Variants in PAH observed in about 807,000 individuals in gnomAD.
PAH encodes phenylalanine-4-hydroxylase.
Under a neutral mutation model 62.0 loss-of-function variants are expected in PAH, and 64 were observed. The observed-to-expected ratio is 1.03, with a 90% CI of 0.84 to 1.27. The LOEUF (loss-of-function observed/expected upper bound fraction) is 1.27. PAH is among the 50% of genes most tolerant of loss of function. The pLI is 0.00. For synonymous variants in PAH, 195 were observed against 196.2 expected, an observed-to-expected ratio of 0.99 and a Z score of 0.05; for missense variants, 579 against 542.8, an observed-to-expected ratio of 1.07 and a Z score of -0.66.
chr12:102,872,468 T>G (rs1876386363), intron 4 of PAH, among the ~76,000 whole-genome samples: 1 of 152,238 alleles, frequency 6.6e-6, no homozygotes, highest in Admixed American at 6.5e-5. Context: ...TTAGTAAGAA[T>G]GCAACAAGTC....
chr12:102,955,754 C>A (rs187630853), upstream of PAH, among the ~76,000 whole-genome samples: 5 of 152,256 alleles, frequency 3.3e-5, no homozygotes, highest in East Asian at 9.7e-4. Context: ...ACCTCTTAGG[C>A]CCTTTCCTTG....
At chr12:102,944,426 C>G (rs974171163) in intron 1 of PAH, among the ~76,000 whole-genome samples, 6 of 152,104 alleles carry the variant, frequency 3.9e-5, no homozygotes, top group African/African-American at 1.4e-4. Context: ...TTTTCTAGAT[C>G]TTGTAGGCAT....
chr12:102,913,173 C>T (rs957661690), intron 1 of PAH, among the ~76,000 whole-genome samples: 1 of 152,172 alleles, frequency 6.6e-6, no homozygotes, highest in Non-Finnish European at 1.5e-5. Context: ...AAATTCAATA[C>T]CTTTTATTGA....
intron 2 of PAH, among the ~76,000 whole-genome samples, chr12:102,898,029 T>C (rs61942043): frequency 0.17 from 26,240 of 152,136 alleles, 2,626 homozygotes; most frequent in Admixed American, 0.33. Context: ...CAGCAACACT[T>C]GGCAAAGTCT....
intron 2 of PAH, among the ~76,000 whole-genome samples, chr12:102,899,112 C>T (rs1354984871): frequency 6.6e-6 from 1 of 152,192 alleles, no homozygotes; most frequent in African/African-American, 2.4e-5. Flanking sequence ...CAATGTCATC[C>T]TTCTTGGCTC....
chr12:102,909,563 C>T (rs565134445), intron 2 of PAH, among the ~76,000 whole-genome samples: 1 of 152,278 alleles, frequency 6.6e-6, no homozygotes, highest in Non-Finnish European at 1.5e-5. Context: ...ACTATAAAAA[C>T]CCACTACTTA....
chr12:102,916,246 T>C (rs943782664), intron 1 of PAH, among the ~76,000 whole-genome samples: 2 of 152,006 alleles, frequency 1.3e-5, no homozygotes, highest in African/African-American at 4.8e-5. Context: ...CCAGCCTCCC[T>C]GTTTTCTACT....
intron 2 of PAH, 125 bp from the exon 3 acceptor site, chr12:102,895,043 T>C: frequency 1.3e-6 from 1 of 773,380 alleles, no homozygotes; most frequent in East Asian, 2.7e-5. Context: ...ATTATTTTTA[T>C]AAGAGTATAA....
intron 8 of PAH, among the ~76,000 whole-genome samples, chr12:102,848,052 G>A (rs1035218197): frequency 6.6e-6 from 1 of 152,216 alleles, no homozygotes; most frequent in African/African-American, 2.4e-5. Context: ...TCCTTTCAGT[G>A]AAACAGGAGC....
chr12:102,918,446 AAAAT>A (rs769625900), upstream of PAH, among the ~76,000 whole-genome samples: 1 of 127,840 alleles, frequency 7.8e-6, no homozygotes, highest in Non-Finnish European at 1.6e-5. Context: ...CAAGCATCTG[AAAAT>A]AAATAAACAA....
At chr12:102,845,368 C>G (rs1874790738) in intron 9 of PAH, among the ~76,000 whole-genome samples, 1 of 152,174 alleles carries the variant, frequency 6.6e-6, no homozygotes, top group South Asian at 2.1e-4. Flanking sequence ...CTCAGATGCT[C>G]TGAAGCTGGC....
chr12:102,955,768 A>G (rs1224464133), upstream of PAH, among the ~76,000 whole-genome samples: 1 of 152,124 alleles, frequency 6.6e-6, no homozygotes, highest in Non-Finnish European at 1.5e-5. Flanking sequence ...TTCCTTGGTC[A>G]GGGATGTGGA....
chr12:102,946,374 T>A (rs1040768373), intron 1 of PAH, among the ~76,000 whole-genome samples: 4 of 152,158 alleles, frequency 2.6e-5, no homozygotes, highest in Non-Finnish European at 5.9e-5. Context: ...GCCTTTTGAG[T>A]TTCTTTAGTA....
At chr12:102,953,215 T>C (rs1879821061), upstream of PAH, 1 of 152,202 alleles carries the variant, frequency 6.6e-6, no homozygotes, top group Admixed American at 6.5e-5. Context: ...ACACTTAAAA[T>C]CCTGTAACAA....
chr12:102,840,290 C>A, intron 12 of PAH, 110 bp downstream of exon 12: 1 of 753,726 alleles, frequency 1.3e-6, no homozygotes. Flanking sequence ...TGCTTTTCTC[C>A]TTAATTAAAT....
intron 8 of PAH, among the ~76,000 whole-genome samples, chr12:102,849,063 T>C (rs534059442): frequency 1.3e-5 from 2 of 152,280 alleles, no homozygotes; most frequent in African/African-American, 4.8e-5. Flanking sequence ...CTGAGGAGGC[T>C]ACCGCAGTCA....
chr12:102,857,037 A>C (rs1875467544), intron 5 of PAH, among the ~76,000 whole-genome samples: 1 of 152,232 alleles, frequency 6.6e-6, no homozygotes, highest in East Asian at 1.9e-4. Context: ...TCTGAGCTAA[A>C]GGAGGAAGTT....
intron 8 of PAH, 35 bp from the exon 9 acceptor site, chr12:102,846,986 CTGTAAT>C: frequency 6.3e-7 from 1 of 1,589,132 alleles, no homozygotes; most frequent in South Asian, 1.1e-5. Context: ...TGTTCTGTTC[CTGTAAT>C]TGGAACCACA....
chr12:102,928,458 G>A (rs1306417139), intron 1 of PAH, among the ~76,000 whole-genome samples: 2 of 152,124 alleles, frequency 1.3e-5, no homozygotes, highest in African/African-American at 4.8e-5. Context: ...GTCAGGGCTG[G>A]AGAAAGTCCC....
Sources: allele counts gnomAD v4.1 joint callset (sites outside exome capture counted in the v4.1 genomes callset), GRCh38; gene constraint gnomAD v4.1.1; transcripts MANE v1.5; gene names NCBI Gene and HGNC (gene_info 2026-07-23, HGNC 2026-07-21).